The following PTPRT variants were observed in gnomAD, a reference collection of about 807,000 sequenced individuals.
PTPRT encodes the protein protein tyrosine phosphatase receptor type T.
Under a neutral mutation model 176.8 loss-of-function variants are expected in PTPRT, and 56 were observed. That is an observed-to-expected ratio of 0.32 (90% confidence interval 0.26 to 0.40). The LOEUF is 0.40. PTPRT is among the 10% of genes least tolerant of loss of function. PTPRT has a pLI of 1.00. For missense variants in PTPRT, 1,540 were observed against 1,908.2 expected (o/e 0.81, Z 3.60); for synonymous variants, 783 against 739.0 (o/e 1.06, Z -0.96).
At chr20:42,474,620 A>G (rs2071255042) in intron 7 of PTPRT, among the ~76,000 whole-genome samples, 1 of 152,182 alleles carries the variant, frequency 6.6e-6, no homozygotes, top group South Asian at 2.1e-4. Context: ...CTGAGGGCCT[A>G]TTGTGGAATG....
chr20:42,730,220 T>G, intron 6 of PTPRT, among the ~76,000 whole-genome samples: 1 of 152,168 alleles, frequency 6.6e-6, no homozygotes, highest in East Asian at 1.9e-4. Context: ...CATTCCATAT[T>G]TCTCCAGGAG....
chr20:42,862,282 A>G lies in PTPRT; in HGVS notation c.214+23525T>C, dbSNP rs140016925. On this transcript the variant is annotated intron_variant, in intron 2 of 30. Coordinates refer to ENST00000373187, the MANE Select transcript of PTPRT (RefSeq NM_007050.6). ...GCCTCCCTTGGTTGAGAGGGGCAAG[A>G]TATCTGAGACTCATCTCTATAGCTC... Among the ~76,000 whole-genome samples, 900 of 152,270 alleles carry G rather than the reference A, an allele frequency of 5.9e-3. 12 individuals are homozygous for G. Among genetic ancestry groups the G allele is most frequent in the African/African-American group, 0.021 (868 of 41,552 alleles).
chr20:42,295,999 C>T (rs1476145356), intron 12 of PTPRT, among the ~76,000 whole-genome samples: 2 of 152,202 alleles, frequency 1.3e-5, no homozygotes, highest in Non-Finnish European at 2.9e-5. Context: ...GTGAGTCAAA[C>T]AAATATCTTT....
chr20:42,628,564 T>A (rs973096537), intron 7 of PTPRT, among the ~76,000 whole-genome samples: 7 of 152,158 alleles, frequency 4.6e-5, no homozygotes, highest in African/African-American at 1.4e-4. Context: ...TATCTATCCA[T>A]CCATTTACCT....
At chr20:42,771,578 G>T in intron 4 of PTPRT, 28 bp from the exon 5 acceptor site, 2 of 1,587,192 alleles carry the variant, frequency 1.3e-6, no homozygotes, top group Non-Finnish European at 1.7e-6. Context: ...GAACACAAGA[G>T]AATGAGATTC....
At chr20:42,434,028 A>T (rs10854225) in intron 9 of PTPRT, among the ~76,000 whole-genome samples, 1 of 151,842 alleles carries the variant, frequency 6.6e-6, no homozygotes, top group Non-Finnish European at 1.5e-5. Context: ...AAATGGAATA[A>T]ATAGATTACA....
chr20:42,755,190 A>G (rs770930983), intron 6 of PTPRT, among the ~76,000 whole-genome samples: 5 of 152,172 alleles, frequency 3.3e-5, no homozygotes, highest in Non-Finnish European at 7.3e-5. Flanking sequence ...ATGATGGCAC[A>G]TGATCAGCCA....
intron 9 of PTPRT, among the ~76,000 whole-genome samples, chr20:42,437,483 A>G (rs73123358): frequency 0.12 from 17,867 of 152,276 alleles, 1,023 homozygotes; most frequent in Middle Eastern, 0.14. Context: ...AAAAACGTGC[A>G]TAAAATAAAA....
At chr20:43,163,795 ATG>A (rs1371803689) in intron 1 of PTPRT, among the ~76,000 whole-genome samples, 1 of 152,106 alleles carries the variant, frequency 6.6e-6, no homozygotes, top group African/African-American at 2.4e-5. Context: ...CATCTATCTC[ATG>A]TGTGTGTCTT....
At chr20:42,186,633 T>A (rs1600649944) in intron 16 of PTPRT, among the ~76,000 whole-genome samples, 1 of 152,188 alleles carries the variant, frequency 6.6e-6, no homozygotes. Flanking sequence ...GATCTTTAGC[T>A]TATAAACAAT....
At chr20:43,036,235 T>C (rs978644089) in intron 1 of PTPRT, among the ~76,000 whole-genome samples, 2 of 152,206 alleles carry the variant, frequency 1.3e-5, no homozygotes, top group Non-Finnish European at 2.9e-5. Context: ...TCACTGTGTA[T>C]CCTGGTGTCT....
chr20:42,154,687 A>G (rs1221752551), intron 17 of PTPRT, among the ~76,000 whole-genome samples: 2 of 152,176 alleles, frequency 1.3e-5, no homozygotes, highest in Non-Finnish European at 1.5e-5. Context: ...CCCATCACAA[A>G]GTCACCTCTT....
In PTPRT at chr20:42,800,837, A is replaced by T. The variant is rs192130076; in HGVS notation, c.215-9371T>A. Among the ~76,000 whole-genome samples, 691 of 152,278 alleles carry T rather than the reference A, an allele frequency of 4.5e-3. 6 individuals carry two copies. The highest frequency in any genetic ancestry group is 0.016 in the African/African-American group (663 of 41,558). On this transcript the variant is annotated intron_variant, in intron 2 of 30. Transcript: ENST00000373187. The stretch of plus-strand genomic sequence containing the variant: ...CACATTACTAAATTGGGTCATCGCT[A>T]TTATTGCCAAGCTTTAAAATGCCAG...
At chr20:43,113,357 G>C (rs1162910316) in intron 1 of PTPRT, among the ~76,000 whole-genome samples, 2 of 152,168 alleles carry the variant, frequency 1.3e-5, no homozygotes, top group Non-Finnish European at 2.9e-5. Context: ...TCTGATGAAG[G>C]ATTTTAATAA....
chr20:42,595,079 C>A (rs886641351), intron 7 of PTPRT, among the ~76,000 whole-genome samples: 1 of 152,034 alleles, frequency 6.6e-6, no homozygotes, highest in Non-Finnish European at 1.5e-5. Flanking sequence ...CTTGGGGCTG[C>A]GTTGTCACTC....
At chr20:43,091,108 C>T (rs1157012423) in intron 1 of PTPRT, among the ~76,000 whole-genome samples, 3 of 152,062 alleles carry the variant, frequency 2.0e-5, no homozygotes, top group Non-Finnish European at 4.4e-5. Flanking sequence ...TGGCAGGCAC[C>T]TGTAGTCCCA....
At chr20:42,394,577 G>A (rs1396227749) in intron 9 of PTPRT, among the ~76,000 whole-genome samples, 1 of 152,114 alleles carries the variant, frequency 6.6e-6, no homozygotes, top group Non-Finnish European at 1.5e-5. Flanking sequence ...TTAAAATAAT[G>A]AATTAAGCAA....
chr20:42,819,225 G>C (rs764519766), intron 2 of PTPRT, among the ~76,000 whole-genome samples: 30 of 152,186 alleles, frequency 2.0e-4, no homozygotes, highest in Non-Finnish European at 2.1e-4. Flanking sequence ...CCAGAGGCCA[G>C]AAGAGATTGG....
At chr20:42,879,700 G>A (rs185921406) in intron 2 of PTPRT, among the ~76,000 whole-genome samples, 16 of 152,020 alleles carry the variant, frequency 1.1e-4, no homozygotes, top group South Asian at 4.2e-4. Context: ...CCCTGGAGAC[G>A]GTGCTGCTTC....
Sources: allele counts gnomAD v4.1 joint callset (sites outside exome capture counted in the v4.1 genomes callset), GRCh38; gene constraint gnomAD v4.1.1; transcripts MANE v1.5; gene names NCBI Gene and HGNC (gene_info 2026-07-23, HGNC 2026-07-21).